Variants in USP40 observed in about 807,000 individuals in gnomAD.
USP40 encodes the protein ubiquitin carboxyl-terminal hydrolase 40.
Under a neutral mutation model 166.2 loss-of-function variants are expected in USP40, and 143 were observed. That is an observed-to-expected ratio of 0.86 (90% confidence interval 0.75 to 0.99). USP40 has a LOEUF of 0.99. USP40 is among the 50% of genes least tolerant of loss of function. USP40 has a pLI of 0.00. For missense variants in USP40, 1,444 were observed against 1,479.7 expected (o/e 0.98, Z 0.40); for synonymous variants, 498 against 524.0 (o/e 0.95, Z 0.68).
chr2:233,477,625 C>T, intron 31 of USP40, 122 bp from the exon 32 acceptor site: 1 of 838,900 alleles, frequency 1.2e-6, no homozygotes, highest in East Asian at 2.7e-5. Flanking sequence ...TTTGCAATTG[C>T]ACAGACAGAT....
intron 24 of USP40, among the ~76,000 whole-genome samples, chr2:233,494,841 A>AT (rs2065570765): frequency 7.1e-6 from 1 of 141,692 alleles, no homozygotes; most frequent in African/African-American, 2.6e-5. Flanking sequence ...AAAAAAAAAA[A>AT]ACCAAAAAAA....
chr2:233,492,374 G>T (rs2065404602), intron 25 of USP40, among the ~76,000 whole-genome samples: 2 of 152,198 alleles, frequency 1.3e-5, no homozygotes, highest in Admixed American at 1.3e-4. Flanking sequence ...ACATATTCAT[G>T]TTGTTAAGTG....
At chr2:233,494,975 T>C (rs1466572160) in intron 24 of USP40, among the ~76,000 whole-genome samples, 14 of 74,516 alleles carry the variant, frequency 1.9e-4, no homozygotes, top group East Asian at 1.4e-3. Flanking sequence ...TATATATATA[T>C]ATATACACAC....
intron 20 of USP40, among the ~76,000 whole-genome samples, chr2:233,510,895 T>C (rs1176854776): frequency 6.6e-6 from 1 of 152,224 alleles, no homozygotes; most frequent in African/African-American, 2.4e-5. Flanking sequence ...ATCTGATCTC[T>C]TATTCAGTTC....
At chr2:233,500,516 A>G (rs1348563187) in intron 21 of USP40, among the ~76,000 whole-genome samples, 2 of 152,212 alleles carry the variant, frequency 1.3e-5, no homozygotes, top group Admixed American at 6.5e-5. Flanking sequence ...TGGACAAGCG[A>G]GCAAATACAA....
chr2:233,540,747 A>G lies in USP40; in HGVS notation c.1085T>C (p.Val362Ala). 6.2e-7 allele frequency: 1 copy of G among 1,613,430 alleles called. No homozygotes were observed. The highest frequency in any genetic ancestry group is 8.5e-7 in the Non-Finnish European group (1 of 1,179,576). Reference sequence around the variant, plus strand: ...CAAAAGTTTCTGGCCCAGCTGATCAACAGGAATTAGATTATTCTCCTCCTT... The same window carrying G: ...CAAAAGTTTCTGGCCCAGCTGATCAGCAGGAATTAGATTATTCTCCTCCTT... Reference protein sequence around the residue: ...LLEEENNLIPVDQLGQKLLKK... With the variant: ...LLEEENNLIPADQLGQKLLKK... Residue 362 changes from valine to alanine, a missense_variant, in exon 10 of 32, where the codon GTT (valine) becomes GCT (alanine). Val to Ala is a moderately conservative substitution (Grantham distance 64). Coordinates refer to ENST00000678225, the MANE Select transcript of USP40 (RefSeq NM_001365479.2).
intron 5 of USP40, among the ~76,000 whole-genome samples, chr2:233,556,203 A>G (rs1211177284): frequency 6.6e-6 from 1 of 152,138 alleles, no homozygotes; most frequent in Non-Finnish European, 1.5e-5. Flanking sequence ...GCCTTTTATT[A>G]AAGGATCAGT....
At position 233,511,759 on chromosome 2, in the gene USP40, T is replaced by A. The variant is rs1437304144; in HGVS notation, c.2476A>T (p.Met826Leu). 6.9e-5 allele frequency: 112 copies of A among 1,612,298 alleles called. No homozygotes were observed. Among genetic ancestry groups the A allele is most frequent in the Non-Finnish European group, 9.3e-5 (110 of 1,179,260 alleles). Residue 826 changes from methionine to leucine, a missense_variant, in exon 20 of 32, where the codon ATG (methionine) becomes TTG (leucine). Coordinates refer to ENST00000678225, the MANE Select transcript of USP40 (RefSeq NM_001365479.2). The part of the protein sequence containing the change: ...SYTLKEAELK[M>L]GSSLGLCLGK... ...AGACACAGTCCCAATGAACTTCCCA[T>A]CTTCAATTCTGCTTCCTTCAAAGTA...
chr2:233,485,693 A>G, intron 29 of USP40, 67 bp from the exon 30 acceptor site: 2 of 1,600,678 alleles, frequency 1.2e-6, no homozygotes, highest in Non-Finnish European at 1.7e-6. Context: ...CTTCTCTATC[A>G]CTGTGAAAAA....
In USP40 at chr2:233,493,966, A is replaced by C. The variant is rs1271122517; in HGVS notation, c.2791-415T>G. Among the ~76,000 whole-genome samples the C allele has an allele frequency of 2.6e-5, 4 of 152,342 alleles. 1 individual carries two copies. The East Asian group carries it at 7.7e-4, about 29-fold the overall frequency. On this transcript the variant is annotated intron_variant, in intron 24 of 31. Transcript: ENST00000678225. The surrounding 1 kb of genome is among the most constrained non-coding windows in gnomAD (Gnocchi z 4.7). ...TGGGTTTCTGATACAAACTAAAGGA[A>C]ATAAACCCATTGTCTTATACATACC...
chr2:233,542,536 C>A, intron 8 of USP40, 173 bp from the exon 9 acceptor site: 1 of 510,188 alleles, frequency 2.0e-6, no homozygotes, highest in East Asian at 3.4e-5. Flanking sequence ...ATAGAGAGAC[C>A]AGCACACTCT....
intron 11 of USP40, 58 bp downstream of exon 11, chr2:233,533,419 TCC>T: frequency 1.3e-6 from 2 of 1,499,278 alleles, no homozygotes; most frequent in Non-Finnish European, 1.8e-6. Context: ...CAAACAGCAT[TCC>T]ATGTTTATCT....
At position 233,551,495 on chromosome 2, in the gene USP40, G is replaced by T; in HGVS notation, c.718C>A (p.Pro240Thr). 6.2e-7 allele frequency: 1 copy of T among 1,603,352 alleles called. No individual in the cohort carries two copies. Among genetic ancestry groups the T allele is most frequent in the South Asian group, 1.1e-5 (1 of 88,016 alleles). Residue 240 changes from proline (P) to threonine (T), a missense_variant, in exon 7 of 32, where the codon CCT becomes ACT. Coordinates refer to ENST00000678225, the MANE Select transcript of USP40 (RefSeq NM_001365479.2). ...CTTAGTAATGAAACAGTAAGAAAAG[G>T]AGGCAGCTTACGTAATTTGGCCGAC... ...AKSAKLRKLP[P>T]FLTVSLLRFN...
chr2:233,553,623 A>G (rs2070780812), intron 6 of USP40, among the ~76,000 whole-genome samples: 1 of 152,346 alleles, frequency 6.6e-6, no homozygotes, highest in East Asian at 1.9e-4. Flanking sequence ...GAGGTGTTCC[A>G]CTAAGCTAAA....
rs1353452504 is a variant in USP40 at position 233,521,006 on chromosome 2, T to G, written c.2310A>C (p.Ser770=). The change falls in exon 17 of 32, where the codon TCA becomes TCC. Residue 770 remains serine, a synonymous_variant. Coordinates refer to ENST00000678225, the MANE Select transcript of USP40 (RefSeq NM_001365479.2). ...TTCTACTCACTGTGTTAACAGTTGC[T>G]GATATTTTAACTTGCTTCTCTTCAG... is the stretch of plus-strand genomic sequence containing the variant. ...LESEEKQVKI[S]ATVNTMVFDI... 10 of 1,613,282 alleles carry G rather than the reference T, an allele frequency of 6.2e-6. No individual in the cohort carries two copies. The highest frequency in any genetic ancestry group is 8.5e-6 in the Non-Finnish European group (10 of 1,179,636).
At chr2:233,498,502 C>A in intron 23 of USP40, 46 bp downstream of exon 23, 1 of 1,560,664 alleles carries the variant, frequency 6.4e-7, no homozygotes, top group Non-Finnish European at 8.8e-7. Context: ...GAAAATATGA[C>A]ATAAATGTAA....
intron 25 of USP40, among the ~76,000 whole-genome samples, chr2:233,491,770 A>G (rs1020558922): frequency 6.6e-6 from 1 of 152,160 alleles, no homozygotes; most frequent in African/African-American, 2.4e-5. Context: ...ATAAATGTTT[A>G]TTTATAAGGA....
At chr2:233,538,984 G>C (rs567580448) in intron 10 of USP40, among the ~76,000 whole-genome samples, 3 of 152,160 alleles carry the variant, frequency 2.0e-5, no homozygotes, top group Non-Finnish European at 4.4e-5. Flanking sequence ...GGCTGTGACT[G>C]TGCTCCTACG....
chr2:233,509,478 G>A (rs763682660), intron 21 of USP40, among the ~76,000 whole-genome samples: 21 of 151,850 alleles, frequency 1.4e-4, no homozygotes, highest in Non-Finnish European at 3.1e-4. Context: ...ATCAATTTCT[G>A]CACATTCAAC....
Sources: gnomAD v4.1 joint callset for allele counts (sites outside exome capture counted in the v4.1 genomes callset) on GRCh38, gnomAD v4.1.1 for gene constraint, Gnocchi (gnomAD v3.1) non-coding constraint, MANE v1.5 for transcripts, NCBI Gene and HGNC (gene_info 2026-07-23, HGNC 2026-07-21) for gene names.